KCNH4: variants seen among roughly 807,000 people sequenced by gnomAD.
The protein encoded by KCNH4 is voltage-gated delayed rectifier potassium channel KCNH4.
KCNH4 carries 33 observed loss-of-function variants against 90.7 expected under a neutral mutation model. That is an observed-to-expected ratio of 0.36 (90% CI 0.28 to 0.49). KCNH4 has a LOEUF of 0.49. KCNH4 is among the 20% of genes least tolerant of loss of function. The pLI, the probability that KCNH4 is intolerant of heterozygous loss-of-function variation, is 0.98. For synonymous variants in KCNH4, 551 were observed against 581.7 expected, an observed-to-expected ratio of 0.95 and a Z score of 0.76; for missense variants, 1,044 against 1,387.1, an observed-to-expected ratio of 0.75 and a Z score of 3.93.
intron 9 of KCNH4, 101 bp downstream of exon 9, chr17:42,169,376 G>A (rs996054676): frequency 1.4e-5 from 16 of 1,139,218 alleles, no homozygotes; most frequent in Admixed American, 9.8e-5. Flanking sequence ...AGCCGAGTTC[G>A]GCCTGCCTCC....
rs1207352104 is a variant in KCNH4 at position 42,180,798 on chromosome 17, G to C, written c.76+72C>G. On this transcript the variant is annotated intron_variant, in intron 1 of 16. Transcript: ENST00000264661. This position sits in a 1 kb window ranked among gnomAD's most constrained non-coding sequence, Gnocchi z 4.7. ...TCGCCTCGGGTCTCACCATGTCCAG[G>C]AGATCCGAGACGGCCCCGAGGATAC... The C allele has an allele frequency of 4.1e-6, 6 of 1,464,956 alleles. No individual in the cohort carries two copies. In the East Asian group the frequency reaches 6.9e-5, roughly 17 times the overall value. The allele number at this position is 1,464,956 out of a possible 1,614,324, so 90.7% of individuals were successfully genotyped here.
At chr17:42,172,691 T>C (rs1006814495) in intron 6 of KCNH4, among the ~76,000 whole-genome samples, 1 of 151,984 alleles carries the variant, frequency 6.6e-6, no homozygotes, top group East Asian at 1.9e-4. Flanking sequence ...ACGATAGAGT[T>C]GGAACTCAGG....
chr17:42,159,540 T>C (rs1231223180), intron 16 of KCNH4, among the ~76,000 whole-genome samples, 191 bp downstream of exon 16: 1 of 152,116 alleles, frequency 6.6e-6, no homozygotes, highest in Non-Finnish European at 1.5e-5. Flanking sequence ...TAGGTAACAT[T>C]GCTCTTAAGG....
chr17:42,172,488 AT>A (rs1037905331), intron 6 of KCNH4, among the ~76,000 whole-genome samples: 3 of 149,832 alleles, frequency 2.0e-5, no homozygotes, highest in African/African-American at 7.3e-5. Flanking sequence ...AGTACGTTCT[AT>A]GTGCTTAGCC....
Position 42,176,240 on chromosome 17 carries a change from A to T in KCNH4, c.643T>A (p.Ser215Thr), listed in dbSNP as rs906495108. ...PEYKVASVGG[S>T]RCLLLHYSVS... is the part of the protein sequence containing the mutation. ...CTGTAGTGGAGGAGGAGGCAGCGAG[A>T]CCCCCCCACGGAGGCCACCTTGTAC... Residue 215 changes from serine (S) to threonine (T), a missense_variant, in exon 5 of 17, where the codon TCT becomes ACT. Ser to Thr is a moderately conservative substitution (Grantham distance 58, BLOSUM62 1). This residue lies in a region of KCNH4 where 283 missense variants were observed against 378.6 expected (regional missense o/e 0.75). Coordinates refer to ENST00000264661, the MANE Select transcript of KCNH4 (RefSeq NM_012285.3). The T allele has an allele frequency of 6.2e-7, 1 of 1,611,486 alleles. No individual in the cohort carries two copies. Among genetic ancestry groups the T allele is most frequent in the African/African-American group, 1.4e-5 (1 of 73,966 alleles).
At chr17:42,172,737 T>C (rs2079836377) in intron 6 of KCNH4, among the ~76,000 whole-genome samples, 1 of 151,976 alleles carries the variant, frequency 6.6e-6, no homozygotes, top group Admixed American at 6.6e-5. Context: ...ACAGTCCACC[T>C]TGTGCTCTAC....
Position 42,163,399 on chromosome 17 carries a change from G to T in KCNH4, c.2478-65C>A. ...GGTAAGGGCCAGAGCAGAGCAGACA[G>T]AGGGGGACTGGGGGCAGCAGTGCCA... is the stretch of plus-strand genomic sequence containing the variant. On this transcript the variant is annotated intron_variant, in intron 13 of 16. Coordinates refer to ENST00000264661, the MANE Select transcript of KCNH4 (RefSeq NM_012285.3). This position sits in a 1 kb window ranked among gnomAD's most constrained non-coding sequence, Gnocchi z 5.4. 1 of 1,213,228 alleles carries T rather than the reference G, an allele frequency of 8.2e-7. No homozygotes were observed. Among genetic ancestry groups the T allele is most frequent in the Non-Finnish European group, 1.2e-6 (1 of 831,080 alleles). 75.2% of individuals were successfully genotyped at this position (1,213,228 alleles called of 1,614,324 possible).
At chr17:42,175,002 G>A (rs142766746) in intron 6 of KCNH4, among the ~76,000 whole-genome samples, 8 of 152,208 alleles carry the variant, frequency 5.3e-5, no homozygotes, top group East Asian at 1.9e-4. Flanking sequence ...CAACAAGGGC[G>A]CTTTTGCTTC....
chr17:42,167,943 C>T (rs950687327), intron 9 of KCNH4, among the ~76,000 whole-genome samples: 2 of 152,188 alleles, frequency 1.3e-5, no homozygotes, highest in African/African-American at 4.8e-5. Context: ...TGCCTTCTCC[C>T]TCCGCAGCAC....
At chr17:42,170,404 G>A (rs559608362) in intron 7 of KCNH4, 103 bp from the exon 8 acceptor site, 1,585 of 963,138 alleles carry the variant, frequency 1.6e-3, no homozygotes, top group Non-Finnish European at 2.2e-3. Context: ...TTTATACACA[G>A]GTTGGCACAG....
chr17:42,173,939 T>C (rs1216120722), intron 6 of KCNH4, among the ~76,000 whole-genome samples: 1 of 151,782 alleles, frequency 6.6e-6, no homozygotes, highest in African/African-American at 2.4e-5. Flanking sequence ...CCTGACCTCG[T>C]GATCCGCCCG....
chr17:42,163,544 C>T lies in KCNH4; in HGVS notation c.2477+62G>A. The T allele has an allele frequency of 1.2e-6, 1 of 834,326 alleles. No homozygotes were observed. The highest frequency in any genetic ancestry group is 1.7e-5 in the South Asian group (1 of 58,410). The allele number at this position is 834,326 out of a possible 1,614,324, so 51.7% of individuals were successfully genotyped here. A position where few individuals can be genotyped will look rare whatever the true frequency, so the allele number is the denominator to read the frequency against. ...ACTGTTTGGAACGCCAGGGATAGAGCCCAGAGAAGGTTCTGGAAGCCAATA... is the reference window on the plus strand; with the variant it reads ...ACTGTTTGGAACGCCAGGGATAGAGTCCAGAGAAGGTTCTGGAAGCCAATA... On this transcript the variant is annotated intron_variant, in intron 13 of 16. Transcript: ENST00000264661. The surrounding 1 kb of genome is among the most constrained non-coding windows in gnomAD (Gnocchi z 5.4).
intron 5 of KCNH4, 102 bp downstream of exon 5, chr17:42,175,952 G>T: frequency 7.3e-7 from 1 of 1,369,784 alleles, no homozygotes; most frequent in East Asian, 2.3e-5. Context: ...AAAGGAAGGG[G>T]CTCTGAATGT....
Position 42,163,891 on chromosome 17 carries a change from C to A in KCNH4, c.2192G>T (p.Gly731Val). The A allele has an allele frequency of 6.5e-7, 1 of 1,542,088 alleles. No homozygotes were observed. The highest frequency in any genetic ancestry group is 1.2e-5 in the South Asian group (1 of 83,250). Residue 731 changes from glycine (G) to valine (V), a missense_variant, in exon 13 of 17, where the codon GGC becomes GTC. Physicochemically the swap from Gly to Val is moderately radical, Grantham distance 109. Coordinates refer to ENST00000264661, the MANE Select transcript of KCNH4 (RefSeq NM_012285.3). The surrounding 1 kb of genome is among the most constrained non-coding windows in gnomAD (Gnocchi z 5.4). ...TLPSITEAES[G>V]AEPGGGPRPR... ...CCTGGGACCACCCCCAGGCTCCGCG[C>A]CACTCTCGGCCTCTGTGATGGATGG...
At chr17:42,162,079 C>T (rs2079752944) in intron 15 of KCNH4, among the ~76,000 whole-genome samples, 169 bp downstream of exon 15, 1 of 151,854 alleles carries the variant, frequency 6.6e-6, no homozygotes, top group African/African-American at 2.4e-5. Flanking sequence ...GCCTCAGCCT[C>T]CAGAGTAGCT....
intron 6 of KCNH4, among the ~76,000 whole-genome samples, chr17:42,174,755 A>T (rs1272659857): frequency 2.0e-5 from 3 of 152,114 alleles, no homozygotes; most frequent in African/African-American, 7.2e-5. Context: ...GGGGCCACAG[A>T]TGACCACTCA....
At chr17:42,172,581 A>T (rs1242103538) in intron 6 of KCNH4, among the ~76,000 whole-genome samples, 1 of 145,556 alleles carries the variant, frequency 6.9e-6, no homozygotes, top group Non-Finnish European at 1.5e-5. Flanking sequence ...ACACACACAC[A>T]CTTATACCTT....
At position 42,178,909 on chromosome 17, in the gene KCNH4, C is replaced by A. The variant is rs2079882241; in HGVS notation, c.194G>T (p.Cys65Phe). 6.2e-7 allele frequency: 1 copy of A among 1,614,080 alleles called. No individual in the cohort carries two copies. Among genetic ancestry groups the A allele is most frequent in the Admixed American group, 1.7e-5 (1 of 60,002 alleles). The change falls in exon 2 of 17, where the codon TGC (cysteine) becomes TTC (phenylalanine). Residue 65 changes from cysteine to phenylalanine, a missense_variant. Around this residue, in one of 4 missense-constraint regions of KCNH4, gnomAD observed 283 missense variants for 378.6 expected, o/e 0.75. Coordinates refer to ENST00000264661, the MANE Select transcript of KCNH4 (RefSeq NM_012285.3). ...TGGGCCGTAGAGGAAACGGCAGCTG[C>A]AGGTCTTCTGCATGACCTCGGTGCG... ...YGRTEVMQKTCSCRFLYGPET... is the reference protein window; with the variant it reads ...YGRTEVMQKTFSCRFLYGPET...
chr17:42,176,527 T>C (rs1227842385), intron 4 of KCNH4, among the ~76,000 whole-genome samples: 1 of 131,888 alleles, frequency 7.6e-6, no homozygotes, highest in African/African-American at 2.9e-5. Context: ...TTTTTTTTTT[T>C]TTTTTTTTTT....
Sources: gnomAD v4.1 joint callset for allele counts (sites outside exome capture counted in the v4.1 genomes callset) on GRCh38, gnomAD v4.1.1 for gene constraint, gnomAD v4.1.1 regional missense constraint, Gnocchi (gnomAD v3.1) non-coding constraint, MANE v1.5 for transcripts, NCBI Gene and HGNC (gene_info 2026-07-23, HGNC 2026-07-21) for gene names.